Variants in RRAGD observed in about 807,000 individuals in gnomAD.
RRAGD encodes Ras related GTP binding D.
Under a neutral mutation model 35.5 loss-of-function variants are expected in RRAGD, and 12 were observed. That is an observed-to-expected ratio of 0.34 (90% CI 0.22 to 0.55). RRAGD has a LOEUF of 0.55. Among genes scored for constraint, RRAGD ranks in the 20% least tolerant of loss-of-function variants. The pLI, the probability that RRAGD is intolerant of heterozygous loss-of-function variation, is 0.91. For synonymous variants in RRAGD, 155 were observed against 178.9 expected (o/e 0.87, Z 1.07); for missense variants, 324 against 490.1 (o/e 0.66, Z 3.20).
At chr6:89,386,156 C>T (rs1228216535) in intron 2 of RRAGD, among the ~76,000 whole-genome samples, 1 of 152,200 alleles carries the variant, frequency 6.6e-6, no homozygotes, top group East Asian at 1.9e-4. Context: ...TTATTTCCCC[C>T]CAGCTGCAAA....
intron 1 of RRAGD, among the ~76,000 whole-genome samples, chr6:89,390,924 A>G (rs2875567): frequency 0.11 from 17,064 of 152,030 alleles, 1,101 homozygotes; most frequent in African/African-American, 0.16. Flanking sequence ...TACAGTCACC[A>G]TATGACCTAG....
intron 5 of RRAGD, among the ~76,000 whole-genome samples, chr6:89,374,968 CAT>C (rs1485866765): frequency 3.3e-5 from 5 of 152,098 alleles, no homozygotes; most frequent in Non-Finnish European, 7.4e-5. Flanking sequence ...AAACATTTAA[CAT>C]GTTTTACCCA....
At position 89,387,571 on chromosome 6, in the gene RRAGD, G is replaced by C; in HGVS notation, c.168C>G (p.Pro56=). 6.2e-7 allele frequency: 1 copy of C among 1,613,706 alleles called. No individual in the cohort carries two copies. The highest frequency in any genetic ancestry group is 1.1e-5 in the South Asian group (1 of 91,048). Residue 56 remains proline, a synonymous_variant, in exon 2 of 7, where the codon CCC becomes CCG. Coordinates refer to ENST00000369415, the MANE Select transcript of RRAGD (RefSeq NM_021244.5). ...TTCTCGGCTTCACTTCAGTGCTGAA[G>C]GGGTCACTGAAGTCCAGAACTGGAG... ...TEEGVLDFSD[P]FSTEVKPRIL...
At chr6:89,372,312 C>T in intron 6 of RRAGD, 125 bp downstream of exon 6, 1 of 1,057,778 alleles carries the variant, frequency 9.5e-7, no homozygotes, top group Non-Finnish European at 1.3e-6. Flanking sequence ...GCCAAGAGGG[C>T]CTGTGACTGG....
At position 89,366,481 on chromosome 6, in the gene RRAGD, G is replaced by A. The variant is rs1044320817; in HGVS notation, c.*1575C>T. On this transcript the variant is annotated 3_prime_UTR_variant, in exon 7 of 7. Coordinates refer to ENST00000369415, the MANE Select transcript of RRAGD (RefSeq NM_021244.5). ...CAAGAGGTAACAGTGAGCTATGATT[G>A]TACCAATGTATTCCAGCACAAGCAA... 4.1e-5 allele frequency: 6 copies of A among 147,272 alleles called. No homozygotes were observed. Among genetic ancestry groups the A allele is most frequent in the South Asian group, 2.1e-4 (1 of 4,676 alleles). 9.1% of individuals were successfully genotyped at this position (147,272 alleles called of 1,614,324 possible).
intron 6 of RRAGD, among the ~76,000 whole-genome samples, chr6:89,371,380 A>G (rs1768852288): frequency 6.6e-6 from 1 of 152,004 alleles, no homozygotes; most frequent in Non-Finnish European, 1.5e-5. Flanking sequence ...TCCTAGCTAC[A>G]TGGGAGGATG....
chr6:89,397,227 G>C (rs1177585172), intron 1 of RRAGD, among the ~76,000 whole-genome samples: 2 of 149,062 alleles, frequency 1.3e-5, no homozygotes, highest in Admixed American at 6.8e-5. Context: ...GGAAGAATCA[G>C]AGTAACAAGT....
chr6:89,379,747 T>C (rs1272998441), intron 3 of RRAGD, among the ~76,000 whole-genome samples: 1 of 152,242 alleles, frequency 6.6e-6, no homozygotes, highest in African/African-American at 2.4e-5. Context: ...AAATGATGCA[T>C]GTACTACCTC....
At chr6:89,385,238 T>C (rs187491143) in intron 2 of RRAGD, among the ~76,000 whole-genome samples, 5 of 152,306 alleles carry the variant, frequency 3.3e-5, no homozygotes, top group African/African-American at 1.2e-4. Context: ...TTCCCATAAA[T>C]GCAAATTGCT....
At chr6:89,393,213 G>A (rs1358133087) in intron 1 of RRAGD, among the ~76,000 whole-genome samples, 1 of 152,162 alleles carries the variant, frequency 6.6e-6, no homozygotes, top group Non-Finnish European at 1.5e-5. Context: ...AAACAAAAAG[G>A]AGAACTCAAA....
intron 1 of RRAGD, among the ~76,000 whole-genome samples, chr6:89,400,102 G>C (rs1295563437): frequency 1.2e-4 from 19 of 152,070 alleles, no homozygotes; most frequent in Non-Finnish European, 2.2e-4. Context: ...CTTATCTCAT[G>C]AATTAAAATT....
chr6:89,372,393 GATGCTTCTTTTA>G (rs755656914), intron 6 of RRAGD, 32 bp downstream of exon 6: 4 of 1,560,564 alleles, frequency 2.6e-6, no homozygotes, highest in South Asian at 1.2e-5. Flanking sequence ...GTAGCAGTCT[GATGCTTCTTTTA>G]ATGCTTCTTT....
In RRAGD at chr6:89,387,598, AACC is replaced by A; in HGVS notation, c.149-11_149-9del. 1 of 1,603,712 alleles carries A rather than the reference AACC, an allele frequency of 6.2e-7. No homozygotes were observed. The highest frequency in any genetic ancestry group is 8.5e-7 in the Non-Finnish European group (1 of 1,174,386). ...GGTCACTGAAGTCCAGAACTGGAGA[AACC>A]ACAAAATGAGAATGAAGGTGAGATG... On this transcript the variant is annotated splice_polypyrimidine_tract_variant and intron_variant, in intron 1 of 6. Coordinates refer to ENST00000369415, the MANE Select transcript of RRAGD (RefSeq NM_021244.5).
At position 89,411,413 on chromosome 6, in the gene RRAGD, C is replaced by A. The variant is rs1450801289; in HGVS notation, c.148+433G>T. 1 of 155,520 alleles carries A rather than the reference C, an allele frequency of 6.4e-6. No individual in the cohort carries two copies. Among genetic ancestry groups the A allele is most frequent in the Non-Finnish European group, 1.4e-5 (1 of 70,396 alleles). The allele number at this position is 155,520 out of a possible 1,614,324, so 9.6% of individuals were successfully genotyped here. ...GACGACCCTGCCAGTCACGCCGCCGCCGGCTGCCTTTTTTTAGCCACGACA... is the reference window on the plus strand; with the variant it reads ...GACGACCCTGCCAGTCACGCCGCCGACGGCTGCCTTTTTTTAGCCACGACA... On this transcript the variant is annotated intron_variant, in intron 1 of 6. Coordinates refer to ENST00000369415, the MANE Select transcript of RRAGD (RefSeq NM_021244.5). The surrounding 1 kb of genome is among the most constrained non-coding windows in gnomAD (Gnocchi z 5.6).
chr6:89,405,161 T>C lies in RRAGD; in HGVS notation c.148+6685A>G, dbSNP rs181694854. Among the ~76,000 whole-genome samples, 8 of 151,966 alleles carry C rather than the reference T, an allele frequency of 5.3e-5. No individual in the cohort carries two copies. In the East Asian group the frequency reaches 9.7e-4, roughly 18 times the overall value. On this transcript the variant is annotated intron_variant, in intron 1 of 6. Coordinates refer to ENST00000369415, the MANE Select transcript of RRAGD (RefSeq NM_021244.5). The stretch of plus-strand genomic sequence containing the variant: ...GTCAGGAGATCGAGATCATCCTGGC[T>C]AACACGGTGAAAACCCGTCTCTACT...
At chr6:89,368,455 C>T (rs1768795973) in intron 6 of RRAGD, among the ~76,000 whole-genome samples, 1 of 152,130 alleles carries the variant, frequency 6.6e-6, no homozygotes, top group Non-Finnish European at 1.5e-5. Flanking sequence ...ACCATATTTT[C>T]AAAGGTTCCT....
At chr6:89,401,862 C>G (rs1396798100) in intron 1 of RRAGD, among the ~76,000 whole-genome samples, 2 of 151,958 alleles carry the variant, frequency 1.3e-5, no homozygotes, top group Non-Finnish European at 2.9e-5. Context: ...TGTTTGTTTA[C>G]TTGTTTTTTG....
intron 1 of RRAGD, among the ~76,000 whole-genome samples, chr6:89,406,255 C>A (rs1769576590): frequency 6.6e-6 from 1 of 152,010 alleles, no homozygotes; most frequent in Non-Finnish European, 1.5e-5. Context: ...AAGGGAAGTG[C>A]CAGGCAGAGA....
chr6:89,368,689 C>T (rs1462660995), intron 6 of RRAGD, among the ~76,000 whole-genome samples: 3 of 152,054 alleles, frequency 2.0e-5, no homozygotes, highest in Admixed American at 6.6e-5. Flanking sequence ...CTCATAAGCC[C>T]GAGGGAAAGC....
Sources: gnomAD v4.1 joint callset for allele counts (sites outside exome capture counted in the v4.1 genomes callset) on GRCh38, gnomAD v4.1.1 for gene constraint, Gnocchi (gnomAD v3.1) non-coding constraint, MANE v1.5 for transcripts, NCBI Gene and HGNC (gene_info 2026-07-23, HGNC 2026-07-21) for gene names.